The following ELFN1 variants were observed in gnomAD, a reference collection of about 807,000 sequenced individuals.
ELFN1 encodes protein ELFN1.
Under a neutral mutation model 7.6 loss-of-function variants are expected in ELFN1, and 6 were observed. That is an observed-to-expected ratio of 0.79 (90% CI 0.43 to 1.56). ELFN1 has a LOEUF of 1.56. Among genes scored for constraint, ELFN1 ranks in the 40% most tolerant of loss-of-function variants. The pLI, the probability that ELFN1 is intolerant of heterozygous loss-of-function variation, is 0.01. For synonymous variants in ELFN1, 657 were observed against 588.1 expected, an observed-to-expected ratio of 1.12 and a Z score of -1.70; for missense variants, 1,169 against 1,232.2, an observed-to-expected ratio of 0.95 and a Z score of 0.77.
intron 3 of ELFN1, among the ~76,000 whole-genome samples, chr7:1,729,392 T>G (rs1780277073): frequency 6.6e-6 from 1 of 152,156 alleles, no homozygotes; most frequent in Admixed American, 6.5e-5. Flanking sequence ...GGTTCACCTC[T>G]GCTCAGCAGC....
intron 3 of ELFN1, among the ~76,000 whole-genome samples, chr7:1,727,792 T>G (rs114409826): frequency 0.026 from 3,895 of 152,194 alleles, 130 homozygotes; most frequent in African/African-American, 0.074. Flanking sequence ...ATTTTTTGCA[T>G]AGATGGGGTC....
Position 1,745,484 on chromosome 7 carries a change from C to T in ELFN1, c.888C>T (p.Ser296=), listed in dbSNP as rs202182712. 1,304 of 1,542,932 alleles carry T rather than the reference C, an allele frequency of 8.5e-4. 2 individuals carry two copies. Among genetic ancestry groups the T allele is most frequent in the Non-Finnish European group, 1.0e-3 (1,179 of 1,146,748 alleles). ...DMPCADDECF[S]GDGTTPLVAL... ...CCTGTGCCGATGATGAGTGCTTCTC[C>T]GGGGACGGCACCACGCCACTGGTGG... The change falls in exon 4 of 4, where the codon TCC becomes TCT. Residue 296 remains serine (S), a synonymous_variant. Coordinates refer to ENST00000424383, the MANE Select transcript of ELFN1 (RefSeq NM_001128636.4).
intron 2 of ELFN1, chr7:1,693,772 C>CT (rs1287755757): frequency 2.1e-6 from 1 of 470,734 alleles, no homozygotes; most frequent in Non-Finnish European, 4.4e-6. Flanking sequence ...AGACCCTGAT[C>CT]AGTGCTGACA....
chr7:1,699,179 C>T (rs1434484022), intron 2 of ELFN1, among the ~76,000 whole-genome samples: 1 of 152,154 alleles, frequency 6.6e-6, no homozygotes, highest in African/African-American at 2.4e-5. Context: ...TTGATGTATC[C>T]CTTCTCTGCT....
chr7:1,698,342 G>C (rs1484429388), intron 2 of ELFN1, among the ~76,000 whole-genome samples: 1 of 152,106 alleles, frequency 6.6e-6, no homozygotes, highest in Non-Finnish European at 1.5e-5. Context: ...CTTTTCCTGC[G>C]TTGCACCCTC....
intron 1 of ELFN1, among the ~76,000 whole-genome samples, chr7:1,678,369 C>T (rs1388575526): frequency 6.6e-6 from 1 of 152,234 alleles, no homozygotes; most frequent in African/African-American, 2.4e-5. Context: ...CTCTCCCGCC[C>T]CACCCTGCGG....
chr7:1,731,897 G>T (rs1416099864), intron 3 of ELFN1, among the ~76,000 whole-genome samples: 2 of 152,190 alleles, frequency 1.3e-5, no homozygotes, highest in African/African-American at 2.4e-5. Flanking sequence ...TGATCTGTCC[G>T]CCTCGGCCTC....
Position 1,733,312 on chromosome 7 carries a change from G to T in ELFN1, c.-293-10992G>T, listed in dbSNP as rs188606447. 1.6e-4 allele frequency among the ~76,000 whole-genome samples: 25 copies of T among 152,348 alleles called. No homozygotes were observed. In the East Asian group the frequency reaches 4.2e-3, roughly 26 times the overall value. On this transcript the variant is annotated intron_variant, in intron 3 of 3. Coordinates refer to ENST00000424383, the MANE Select transcript of ELFN1 (RefSeq NM_001128636.4). Reference sequence around the variant, plus strand: ...CAGGTGGCCTTGGGGAGTGGAAATGGTGTGACCGTGTGAGCGAGGGCTGGT... The same window carrying T: ...CAGGTGGCCTTGGGGAGTGGAAATGTTGTGACCGTGTGAGCGAGGGCTGGT...
At chr7:1,682,130 A>AT (rs1335626801) in intron 1 of ELFN1, among the ~76,000 whole-genome samples, 8 of 151,940 alleles carry the variant, frequency 5.3e-5, no homozygotes, top group Middle Eastern at 6.8e-3. Flanking sequence ...CCAATTTATC[A>AT]TTTTTTTTCT....
chr7:1,736,393 T>C (rs1384963136), intron 3 of ELFN1, among the ~76,000 whole-genome samples: 2 of 152,152 alleles, frequency 1.3e-5, no homozygotes, highest in Non-Finnish European at 2.9e-5. Context: ...TCTTGTCTGG[T>C]TTAAATGATC....
intron 3 of ELFN1, among the ~76,000 whole-genome samples, chr7:1,737,297 G>C (rs1304389181): frequency 1.3e-5 from 2 of 152,098 alleles, no homozygotes; most frequent in Admixed American, 6.5e-5. Context: ...GGGCCCCGTG[G>C]TTCCTAGATG....
At chr7:1,742,027 T>A (rs1780634052) in intron 3 of ELFN1, among the ~76,000 whole-genome samples, 1 of 152,114 alleles carries the variant, frequency 6.6e-6, no homozygotes. Context: ...AACACGTGTG[T>A]GGGTGGACAC....
chr7:1,670,116 A>C (rs1778733327), upstream of ELFN1, among the ~76,000 whole-genome samples: 1 of 132,468 alleles, frequency 7.5e-6, no homozygotes, highest in African/African-American at 2.8e-5. This position sits in a 1 kb window ranked among gnomAD's most constrained non-coding sequence, Gnocchi z 6.4. Flanking sequence ...GGTGGAAGGG[A>C]GCGCGCAGGC....
At chr7:1,708,753 A>C (rs1042485960) in intron 2 of ELFN1, among the ~76,000 whole-genome samples, 5 of 151,872 alleles carry the variant, frequency 3.3e-5, no homozygotes, top group African/African-American at 7.3e-5. Flanking sequence ...TTTACCCCAA[A>C]CACCTGGGCC....
At position 1,709,415 on chromosome 7, in the gene ELFN1, A is replaced by G. The variant is rs534823836; in HGVS notation, c.-294+163A>G. On this transcript the variant is annotated intron_variant, in intron 3 of 3. Coordinates refer to ENST00000424383, the MANE Select transcript of ELFN1 (RefSeq NM_001128636.4). ...TTTCTTAGGGATTGACTCTTGTTCA[A>G]TGGTGCTGCCCTCAGATGAAGGGAG... 1.4e-4 allele frequency among the ~76,000 whole-genome samples: 21 copies of G among 152,338 alleles called. 1 individual carries two copies. The highest frequency in any genetic ancestry group is 4.1e-4 in the South Asian group (2 of 4,832).
chr7:1,712,721 C>G (rs1779698103), intron 3 of ELFN1, among the ~76,000 whole-genome samples: 1 of 152,194 alleles, frequency 6.6e-6, no homozygotes, highest in South Asian at 2.1e-4. Flanking sequence ...TGTGAGCCAC[C>G]ACACCCAGGC....
intron 3 of ELFN1, among the ~76,000 whole-genome samples, chr7:1,729,872 C>T (rs1169999124): frequency 6.6e-6 from 1 of 152,256 alleles, no homozygotes; most frequent in African/African-American, 2.4e-5. Context: ...GCCCTCCCCT[C>T]TCAAATGCCT....
chr7:1,707,113 T>A (rs915158345), intron 2 of ELFN1, among the ~76,000 whole-genome samples: 19 of 152,250 alleles, frequency 1.2e-4, no homozygotes, highest in African/African-American at 4.6e-4. Context: ...GCAGGTGCCC[T>A]GACGTGCACA....
At chr7:1,726,290 G>A (rs991254342) in intron 3 of ELFN1, among the ~76,000 whole-genome samples, 4 of 152,204 alleles carry the variant, frequency 2.6e-5, no homozygotes, top group South Asian at 2.1e-4. Context: ...ACCCCAAGCC[G>A]AGAGCCGCAG....
Sources: allele counts gnomAD v4.1 joint callset (sites outside exome capture counted in the v4.1 genomes callset), GRCh38; gene constraint gnomAD v4.1.1; non-coding constraint Gnocchi (gnomAD v3.1); transcripts MANE v1.5; gene names NCBI Gene and HGNC (gene_info 2026-07-23, HGNC 2026-07-21).